The following ESCO2 variants were observed in gnomAD, a reference collection of about 807,000 sequenced individuals.
ESCO2 encodes N-acetyltransferase ESCO2.
Under a neutral mutation model 61.7 loss-of-function variants are expected in ESCO2, and 51 were observed. That is an observed-to-expected ratio of 0.83 (90% CI 0.66 to 1.04). The LOEUF (loss-of-function observed/expected upper bound fraction) is 1.04, where lower values mean the gene tolerates loss of function less well. Among genes scored for constraint, ESCO2 ranks in the 50% least tolerant of loss-of-function variants. ESCO2 has a pLI of 0.00. For synonymous variants in ESCO2, 230 were observed against 238.2 expected (o/e 0.97, Z 0.32); for missense variants, 692 against 686.2 (o/e 1.01, Z -0.09).
At chr8:27,786,193 C>G (rs1340813321) in intron 5 of ESCO2, among the ~76,000 whole-genome samples, 1 of 152,090 alleles carries the variant, frequency 6.6e-6, no homozygotes, top group Non-Finnish European at 1.5e-5. Flanking sequence ...TACTATGGGA[C>G]TGAACGAAGG....
chr8:27,799,297 A>G (rs777727411), intron 9 of ESCO2, among the ~76,000 whole-genome samples: 11 of 152,142 alleles, frequency 7.2e-5, no homozygotes, highest in East Asian at 1.9e-4. Context: ...AATGTTTACA[A>G]TTGTTTAAGA....
chr8:27,776,287 AGCTTACTT>A, intron 2 of ESCO2, 67 bp from the exon 3 acceptor site: 2 of 1,237,732 alleles, frequency 1.6e-6, no homozygotes, highest in Non-Finnish European at 2.3e-6. Context: ...CTACAAGTAG[AGCTTACTT>A]AGCAGTAGAT....
Position 27,799,550 on chromosome 8 carries a change from G to A in ESCO2, c.1507G>A (p.Val503Ile). 3 of 1,613,854 alleles carry A rather than the reference G, an allele frequency of 1.9e-6. No homozygotes were observed. Among genetic ancestry groups the A allele is most frequent in the Non-Finnish European group, 2.5e-6 (3 of 1,179,976 alleles). Residue 503 changes from valine to isoleucine, a missense_variant, in exon 10 of 11, where the codon GTC (valine) becomes ATC (isoleucine). Coordinates refer to ENST00000305188, the MANE Select transcript of ESCO2 (RefSeq NM_001017420.3). ...IAEPIKQAFR[V>I]LSEPIGPESP... ...CTGTATATCATTGCAGGCATTTCGT[G>A]TCCTGTCTGAACCAATTGGTCCAGA...
At chr8:27,774,165 C>G (rs978485363), upstream of ESCO2, among the ~76,000 whole-genome samples, 4 of 109,806 alleles carry the variant, frequency 3.6e-5, no homozygotes, top group African/African-American at 1.4e-4. Flanking sequence ...CTTGGAGAGG[C>G]CTTTATTTAT....
chr8:27,783,007 A>G (rs1585395808), intron 4 of ESCO2, among the ~76,000 whole-genome samples: 1 of 151,898 alleles, frequency 6.6e-6, no homozygotes, highest in South Asian at 2.1e-4. Flanking sequence ...TTTGATGTAC[A>G]TTGGAGTTCA....
At chr8:27,778,641 T>C (rs185489470) in intron 3 of ESCO2, 1 of 152,336 alleles carries the variant, frequency 6.6e-6, no homozygotes, top group Admixed American at 6.5e-5. Flanking sequence ...TGATTATTCT[T>C]ATCTGTTTGG....
At chr8:27,782,424 G>C (rs1159434447) in intron 4 of ESCO2, among the ~76,000 whole-genome samples, 1 of 152,072 alleles carries the variant, frequency 6.6e-6, no homozygotes, top group African/African-American at 2.4e-5. Flanking sequence ...ACCATGCCCG[G>C]CTAATTTTTT....
chr8:27,815,539 T>C (rs1182683343), downstream of ESCO2, among the ~76,000 whole-genome samples: 2 of 152,298 alleles, frequency 1.3e-5, no homozygotes, highest in East Asian at 1.9e-4. Context: ...GAAAAGCCTA[T>C]AGACATGGCC....
At chr8:27,812,468 G>A (rs1805707390), downstream of ESCO2, 1 of 152,060 alleles carries the variant, frequency 6.6e-6, no homozygotes. Flanking sequence ...AGCCAAAACA[G>A]ACAAATGGGA....
At chr8:27,795,504 T>G (rs901319325) in intron 9 of ESCO2, among the ~76,000 whole-genome samples, 2 of 152,218 alleles carry the variant, frequency 1.3e-5, no homozygotes, top group Non-Finnish European at 2.9e-5. Flanking sequence ...AATGCCTTTC[T>G]TTTTTCTTCC....
chr8:27,772,677 T>C (rs1056758051), upstream of ESCO2: 28 of 786,026 alleles, frequency 3.6e-5, 1 homozygote, highest in South Asian at 4.9e-4. Context: ...GGGCGCGTCA[T>C]AACGCCGGCC....
downstream of ESCO2, chr8:27,805,340 C>CT (rs1805544310): frequency 6.8e-6 from 1 of 146,266 alleles, no homozygotes; most frequent in African/African-American, 2.5e-5. Context: ...CTTAATCCTG[C>CT]TTTGAGTTTA....
intron 4 of ESCO2, among the ~76,000 whole-genome samples, chr8:27,781,651 C>A (rs1804931321): frequency 1.3e-5 from 2 of 151,464 alleles, no homozygotes; most frequent in African/African-American, 2.4e-5. Context: ...GCCTCCACCT[C>A]CAGGGTTCAA....
intron 5 of ESCO2, among the ~76,000 whole-genome samples, chr8:27,784,399 A>G (rs1439641000): frequency 6.6e-6 from 1 of 152,220 alleles, no homozygotes; most frequent in Non-Finnish European, 1.5e-5. Flanking sequence ...TTTCAGCCTA[A>G]GAAACTGTTA....
chr8:27,796,076 A>G (rs1331567175), intron 9 of ESCO2, among the ~76,000 whole-genome samples: 3 of 147,908 alleles, frequency 2.0e-5, no homozygotes, highest in Non-Finnish European at 4.5e-5. Context: ...GGGCTTTCCT[A>G]TGATGCAAGT....
intron 3 of ESCO2, chr8:27,777,389 C>A: frequency 2.8e-6 from 1 of 351,720 alleles, no homozygotes; most frequent in Non-Finnish European, 5.1e-6. Context: ...ACAGCCTCAA[C>A]CTCCTAGGCT....
chr8:27,816,399 G>A (rs1805816113), downstream of ESCO2, among the ~76,000 whole-genome samples: 1 of 138,842 alleles, frequency 7.2e-6, no homozygotes, highest in Non-Finnish European at 1.5e-5. Context: ...TTTTTTTTGA[G>A]ATGGAATCTC....
chr8:27,788,210 C>A (rs1805091879), intron 6 of ESCO2, among the ~76,000 whole-genome samples: 1 of 151,770 alleles, frequency 6.6e-6, no homozygotes, highest in Non-Finnish European at 1.5e-5. Flanking sequence ...ACTCTTGGGT[C>A]AAATAATTTT....
chr8:27,794,837 C>G (rs757477906), intron 9 of ESCO2, among the ~76,000 whole-genome samples: 1 of 152,108 alleles, frequency 6.6e-6, no homozygotes, highest in Non-Finnish European at 1.5e-5. Context: ...GAGACTGTGT[C>G]CTTGCCCCAT....
Sources: gnomAD v4.1 joint callset for allele counts (sites outside exome capture counted in the v4.1 genomes callset) on GRCh38, gnomAD v4.1.1 for gene constraint, MANE v1.5 for transcripts, NCBI Gene and HGNC (gene_info 2026-07-23, HGNC 2026-07-21) for gene names.